The following GRID2 variants were observed in gnomAD, a reference collection of about 807,000 sequenced individuals.
GRID2 encodes the protein glutamate receptor ionotropic, delta-2.
In GRID2, 33 loss-of-function variants were observed where a neutral mutation model predicts 114.8. That is an observed-to-expected ratio of 0.29 (90% CI 0.22 to 0.38). GRID2 has a LOEUF of 0.38. Ranked by LOEUF, GRID2 falls within the 10% of genes least tolerant of loss-of-function variation. The pLI, the probability that GRID2 is intolerant of heterozygous loss-of-function variation, is 1.00. For missense variants in GRID2, 1,184 were observed against 1,257.7 expected (o/e 0.94, Z 0.89); for synonymous variants, 505 against 449.9 (o/e 1.12, Z -1.55).
intron 14 of GRID2, among the ~76,000 whole-genome samples, chr4:93,741,207 A>ATATATATT (rs1731389002): frequency 9.8e-6 from 1 of 101,754 alleles, no homozygotes; most frequent in Non-Finnish European, 2.0e-5. Context: ...ATATGTATAT[A>ATATATATT]TATATATATT....
intron 2 of GRID2, among the ~76,000 whole-genome samples, chr4:92,966,898 G>A (rs1753191964): frequency 1.3e-5 from 2 of 151,814 alleles, no homozygotes; most frequent in South Asian, 2.1e-4. Flanking sequence ...ACTATATTAG[G>A]TATTATCCTA....
chr4:93,269,229 T>TA (rs1403035068), intron 8 of GRID2, among the ~76,000 whole-genome samples: 6 of 152,148 alleles, frequency 3.9e-5, no homozygotes, highest in African/African-American at 1.2e-4. Flanking sequence ...GGGAAGCTGT[T>TA]AAAAAATGCC....
chr4:92,908,561 C>CAAAAAAAA (rs762037449), intron 2 of GRID2, among the ~76,000 whole-genome samples: 1 of 35,964 alleles, frequency 2.8e-5, no homozygotes, highest in East Asian at 7.7e-4. Flanking sequence ...GACTCCATCT[C>CAAAAAAAA]AAAAAAAAAA....
At chr4:92,883,823 CT>C (rs1746184873) in intron 2 of GRID2, among the ~76,000 whole-genome samples, 1 of 152,114 alleles carries the variant, frequency 6.6e-6, no homozygotes, top group Non-Finnish European at 1.5e-5. Context: ...GCCATCCAGG[CT>C]TTGTTGTTCC....
chr4:92,628,902 T>G (rs1268497675), intron 2 of GRID2, among the ~76,000 whole-genome samples: 1 of 152,072 alleles, frequency 6.6e-6, no homozygotes, highest in African/African-American at 2.4e-5. Flanking sequence ...CATTTTCCTT[T>G]CACTTTTTCT....
intron 2 of GRID2, among the ~76,000 whole-genome samples, chr4:92,790,205 C>A (rs929773014): frequency 2.6e-5 from 4 of 151,514 alleles, no homozygotes; most frequent in Non-Finnish European, 4.4e-5. Context: ...CTTATTTATA[C>A]AAATATATGT....
At chr4:92,792,937 G>A (rs1049266712) in intron 2 of GRID2, among the ~76,000 whole-genome samples, 23 of 141,898 alleles carry the variant, frequency 1.6e-4, no homozygotes, top group African/African-American at 5.0e-4. Flanking sequence ...TAAAGCTTCT[G>A]GACATAAATA....
At chr4:92,853,434 T>G (rs1474029002) in intron 2 of GRID2, among the ~76,000 whole-genome samples, 1 of 152,008 alleles carries the variant, frequency 6.6e-6, no homozygotes, top group African/African-American at 2.4e-5. Flanking sequence ...TCCAATCTCA[T>G]AGAAAATTTA....
chr4:92,969,829 G>A (rs913259002), intron 2 of GRID2, among the ~76,000 whole-genome samples: 9 of 151,760 alleles, frequency 5.9e-5, no homozygotes, highest in South Asian at 2.1e-4. Context: ...AATATGGAGC[G>A]CCTGAGGACT....
chr4:93,110,684 T>C (rs1396597059), intron 3 of GRID2, 64 bp from the exon 4 acceptor site: 2 of 1,056,668 alleles, frequency 1.9e-6, no homozygotes, highest in Non-Finnish European at 3.0e-6. Context: ...ATAGGTGAAA[T>C]AGCTTATGCC....
chr4:93,108,662 ACT>A (rs1732479015), intron 3 of GRID2, among the ~76,000 whole-genome samples: 1 of 141,652 alleles, frequency 7.1e-6, no homozygotes, highest in Non-Finnish European at 1.5e-5. Context: ...ATGGAGTCTC[ACT>A]CTGTCACCCA....
At chr4:93,105,373 G>A (rs1732115745) in intron 3 of GRID2, among the ~76,000 whole-genome samples, 1 of 152,126 alleles carries the variant, frequency 6.6e-6, no homozygotes, top group Non-Finnish European at 1.5e-5. Flanking sequence ...TAGACATGAA[G>A]TCCTTGCCCA....
At chr4:92,673,611 T>A (rs978939933) in intron 2 of GRID2, among the ~76,000 whole-genome samples, 3 of 152,196 alleles carry the variant, frequency 2.0e-5, no homozygotes, top group Non-Finnish European at 4.4e-5. Flanking sequence ...CTGATTTTTT[T>A]AAAGATATTT....
chr4:93,191,982 A>G (rs937840163), intron 4 of GRID2, among the ~76,000 whole-genome samples: 2 of 152,124 alleles, frequency 1.3e-5, no homozygotes, highest in African/African-American at 4.8e-5. Flanking sequence ...CACCTTCACA[A>G]TATCTCTTTC....
intron 15 of GRID2, among the ~76,000 whole-genome samples, chr4:93,769,913 C>T (rs543814175): frequency 6.6e-6 from 1 of 152,260 alleles, no homozygotes; most frequent in South Asian, 2.1e-4. Flanking sequence ...TAGTGACTGC[C>T]TCCTTCTCTA....
intron 11 of GRID2, among the ~76,000 whole-genome samples, chr4:93,462,147 G>A (rs763606640): frequency 6.6e-6 from 1 of 152,118 alleles, no homozygotes; most frequent in Admixed American, 6.6e-5. Context: ...GTAGCAAAAG[G>A]AAAATAAGGA....
chr4:93,205,768 C>G (rs1240831454), intron 4 of GRID2, among the ~76,000 whole-genome samples: 2 of 151,920 alleles, frequency 1.3e-5, no homozygotes, highest in Non-Finnish European at 2.9e-5. Flanking sequence ...GTTGACAGTC[C>G]CACCAACAGT....
At chr4:92,623,935 A>G (rs2149240791) in intron 2 of GRID2, among the ~76,000 whole-genome samples, 1 of 151,966 alleles carries the variant, frequency 6.6e-6, no homozygotes, top group Middle Eastern at 3.4e-3. Context: ...TAACACACAT[A>G]TACACACAAT....
intron 2 of GRID2, among the ~76,000 whole-genome samples, chr4:92,730,474 A>T (rs1579930579): frequency 6.6e-6 from 1 of 151,992 alleles, no homozygotes; most frequent in East Asian, 1.9e-4. Context: ...AATGAATTTT[A>T]ACAGAGCTAA....
Sources: allele counts gnomAD v4.1 joint callset (sites outside exome capture counted in the v4.1 genomes callset), GRCh38; gene constraint gnomAD v4.1.1; transcripts MANE v1.5; gene names NCBI Gene and HGNC (gene_info 2026-07-23, HGNC 2026-07-21).